TAFA2: variants seen among roughly 807,000 people sequenced by gnomAD.
TAFA2 encodes the protein TAFA chemokine like family member 2, also known as chemokine-like protein TAFA-2.
In TAFA2, 7 loss-of-function variants were observed where a neutral mutation model predicts 18.8. That is an observed-to-expected ratio of 0.37 (90% CI 0.21 to 0.70). The LOEUF is 0.70. Ranked by LOEUF, TAFA2 falls within the 30% of genes least tolerant of loss-of-function variation. The pLI is 0.53. For synonymous variants in TAFA2, 60 were observed against 54.2 expected (o/e 1.11, Z -0.47); for missense variants, 122 against 158.1 (o/e 0.77, Z 1.23).
At chr12:61,921,477 C>T (rs1877051286) in intron 1 of TAFA2, among the ~76,000 whole-genome samples, 2 of 151,956 alleles carry the variant, frequency 1.3e-5, no homozygotes, top group Admixed American at 1.3e-4. Context: ...TAGAATTGCC[C>T]CTGTGTGAAA....
At chr12:62,107,632 TAA>T (rs1869520779) in intron 1 of TAFA2, among the ~76,000 whole-genome samples, 1 of 152,210 alleles carries the variant, frequency 6.6e-6, no homozygotes, top group Admixed American at 6.5e-5. Flanking sequence ...TCTGGAAGAA[TAA>T]TTATTTAATT....
chr12:62,039,142 C>A (rs988394284), intron 1 of TAFA2, among the ~76,000 whole-genome samples: 19 of 152,136 alleles, frequency 1.2e-4, no homozygotes, highest in African/African-American at 4.6e-4. Context: ...GAAATGTAGA[C>A]CCAGAATTAC....
At chr12:62,042,566 T>C (rs866394415) in intron 1 of TAFA2, among the ~76,000 whole-genome samples, 1 of 152,062 alleles carries the variant, frequency 6.6e-6, no homozygotes. Context: ...AACCTTACTA[T>C]TAGTTGAATG....
intron 1 of TAFA2, among the ~76,000 whole-genome samples, chr12:61,918,239 C>T (rs1393560596): frequency 6.6e-6 from 1 of 152,036 alleles, no homozygotes; most frequent in African/African-American, 2.4e-5. Context: ...CTAACAAATA[C>T]TAGGTCTTAT....
intron 1 of TAFA2, among the ~76,000 whole-genome samples, chr12:61,894,046 C>T (rs1592466389): frequency 1.3e-5 from 2 of 152,078 alleles, no homozygotes; most frequent in East Asian, 3.9e-4. Context: ...GGTTATGCAT[C>T]GATTTACACT....
At chr12:62,080,695 A>T (rs576532169) in intron 1 of TAFA2, among the ~76,000 whole-genome samples, 2 of 152,338 alleles carry the variant, frequency 1.3e-5, no homozygotes, top group African/African-American at 4.8e-5. Flanking sequence ...AATTTGTAAA[A>T]CAATGATTGC....
intron 2 of TAFA2, among the ~76,000 whole-genome samples, chr12:61,825,239 T>C (rs751050075): frequency 1.2e-4 from 18 of 151,492 alleles, no homozygotes; most frequent in Non-Finnish European, 2.4e-4. Flanking sequence ...GAAAGGAGGA[T>C]CCAAACAGAA....
intron 1 of TAFA2, among the ~76,000 whole-genome samples, chr12:61,982,255 C>T (rs991133319): frequency 1.3e-5 from 2 of 152,032 alleles, no homozygotes; most frequent in Admixed American, 1.3e-4. Flanking sequence ...CACTTGGACA[C>T]AGGGCAGGGA....
chr12:62,089,491 T>G (rs1353531189), intron 1 of TAFA2, among the ~76,000 whole-genome samples: 1 of 152,002 alleles, frequency 6.6e-6, no homozygotes. Context: ...TTTTGTCAGT[T>G]GATAGCCCTA....
chr12:61,757,942 G>A (rs1257631321), intron 2 of TAFA2, among the ~76,000 whole-genome samples: 3 of 151,964 alleles, frequency 2.0e-5, no homozygotes, highest in Non-Finnish European at 4.4e-5. Flanking sequence ...ATCTTGGTAC[G>A]TTATCTATTA....
chr12:61,760,075 CTT>C (rs35014156), intron 2 of TAFA2, among the ~76,000 whole-genome samples: 5 of 137,736 alleles, frequency 3.6e-5, no homozygotes, highest in Non-Finnish European at 4.6e-5. Context: ...CTGCCCAGTG[CTT>C]TTTTTTTTTT....
At chr12:61,884,251 G>A (rs768093191) in intron 1 of TAFA2, among the ~76,000 whole-genome samples, 5 of 152,132 alleles carry the variant, frequency 3.3e-5, no homozygotes, top group Non-Finnish European at 5.9e-5. Context: ...ACGGCGACAT[G>A]GAAGTGTTTT....
intron 1 of TAFA2, among the ~76,000 whole-genome samples, chr12:61,936,585 CA>C (rs1307588476): frequency 6.6e-6 from 1 of 150,818 alleles, no homozygotes; most frequent in Non-Finnish European, 1.5e-5. Context: ...CATAAAAATA[CA>C]AATAAATAAA....
chr12:61,770,008 G>A lies in TAFA2; in HGVS notation c.107-14984C>T, dbSNP rs1381703121. 2.6e-5 allele frequency among the ~76,000 whole-genome samples: 4 copies of A among 152,032 alleles called. No homozygotes were observed. In the East Asian group the frequency reaches 5.9e-4, roughly 22 times the overall value. The stretch of plus-strand genomic sequence containing the variant: ...CAAAAAAATGATACAGGATATGAAC[G>A]AGAAAATCTCTAAAGAAATATATGG... On this transcript the variant is annotated intron_variant, in intron 2 of 4. Coordinates refer to ENST00000416284, the MANE Select transcript of TAFA2 (RefSeq NM_178539.5).
At chr12:61,864,851 G>A (rs1229914607) in intron 2 of TAFA2, among the ~76,000 whole-genome samples, 1 of 151,182 alleles carries the variant, frequency 6.6e-6, no homozygotes, top group Non-Finnish European at 1.5e-5. Flanking sequence ...GCTCTTTAGT[G>A]CTGTTGAGTT....
At chr12:62,084,448 C>T (rs751058496) in intron 1 of TAFA2, among the ~76,000 whole-genome samples, 5 of 152,082 alleles carry the variant, frequency 3.3e-5, no homozygotes, top group Non-Finnish European at 7.4e-5. Context: ...AGGGAAGGGT[C>T]TCTTGGCATA....
intron 1 of TAFA2, chr12:62,022,263 A>C (rs1881167977): frequency 4.5e-6 from 1 of 224,354 alleles, no homozygotes; most frequent in Admixed American, 5.2e-5. Context: ...TTCCAATTTC[A>C]TACTGAAGGC....
chr12:61,854,077 A>G (rs1028565188), intron 2 of TAFA2, among the ~76,000 whole-genome samples: 11 of 152,204 alleles, frequency 7.2e-5, no homozygotes, highest in Admixed American at 4.6e-4. Flanking sequence ...TTCAGAGTAG[A>G]CAGTTTGGAA....
At chr12:62,161,778 T>C (rs1592374843) in intron 1 of TAFA2, among the ~76,000 whole-genome samples, 2 of 152,242 alleles carry the variant, frequency 1.3e-5, no homozygotes, top group African/African-American at 4.8e-5. Flanking sequence ...TAAATAATTA[T>C]CTTGTGTGAT....
Sources: gnomAD v4.1 joint callset for allele counts (sites outside exome capture counted in the v4.1 genomes callset) on GRCh38, gnomAD v4.1.1 for gene constraint, MANE v1.5 for transcripts, NCBI Gene and HGNC (gene_info 2026-07-23, HGNC 2026-07-21) for gene names.